The following MCTS1 variants were observed in gnomAD, a reference collection of about 807,000 sequenced individuals.
MCTS1 encodes MCTS1 re-initiation and release factor, also known as malignant T-cell-amplified sequence 1.
For synonymous variants in MCTS1, 26 were observed against 40.8 expected (o/e 0.64, Z 1.38); for missense variants, 55 against 128.6 (o/e 0.43, Z 2.77).
Position 120,616,213 on chromosome X carries a change from A to T in MCTS1, c.*3949A>T, listed in dbSNP as rs986065356. Reference sequence around the variant, plus strand: ...TTATCAAGGCTCTTCAAGAAACTCAAAATGATTCTAATTTCTAAGTAGTAT... The same window carrying T: ...TTATCAAGGCTCTTCAAGAAACTCATAATGATTCTAATTTCTAAGTAGTAT... On this transcript the variant is annotated 3_prime_UTR_variant, in exon 6 of 6. Coordinates refer to ENST00000371317, the MANE Select transcript of MCTS1 (RefSeq NM_014060.3). Among the ~76,000 whole-genome samples, 1 of 111,959 alleles carries T rather than the reference A, an allele frequency of 8.9e-6. No homozygotes were observed. Among genetic ancestry groups the T allele is most frequent in the Non-Finnish European group, 1.9e-5 (1 of 52,960 alleles).
rs1487486657 is a variant in MCTS1 at position 120,614,674 on chromosome X, G to A, written c.*2410G>A. ...AATTCAGATGTCTCCCTATTTGGGGGAGGAGGCACCCTATTTGAGGCCTGT... is the reference window on the plus strand; with the variant it reads ...AATTCAGATGTCTCCCTATTTGGGGAAGGAGGCACCCTATTTGAGGCCTGT... On this transcript the variant is annotated 3_prime_UTR_variant, in exon 6 of 6. Transcript: ENST00000371317. Among the ~76,000 whole-genome samples the A allele has an allele frequency of 8.9e-6, 1 of 111,785 alleles. No homozygotes were observed. Among genetic ancestry groups the A allele is most frequent in the Non-Finnish European group, 1.9e-5 (1 of 53,186 alleles).
In MCTS1 at chrX:120,613,014, C is replaced by T. The variant is rs1266437843; in HGVS notation, c.*750C>T. 3.7e-5 allele frequency among the ~76,000 whole-genome samples: 4 copies of T among 107,954 alleles called. No homozygotes were observed. The East Asian group carries it at 1.2e-3, about 31-fold the overall frequency. 93.7% of individuals were successfully genotyped at this position (107,954 alleles called of 115,157 possible). On this transcript the variant is annotated 3_prime_UTR_variant, in exon 6 of 6. Coordinates refer to ENST00000371317, the MANE Select transcript of MCTS1 (RefSeq NM_014060.3). ...CGATCTTGGCTCACTGTAACCTCCACCTCCCGGGTTCAAGCGATTCTTGTG... is the reference window on the plus strand; with the variant it reads ...CGATCTTGGCTCACTGTAACCTCCATCTCCCGGGTTCAAGCGATTCTTGTG...
intron 1 of MCTS1, chrX:120,604,870 G>A: frequency 8.6e-7 from 1 of 1,156,121 alleles, no homozygotes. Flanking sequence ...AAAGGAAGGT[G>A]GGTTTTGTGC....
intron 3 of MCTS1, among the ~76,000 whole-genome samples, chrX:120,606,405 T>C (rs1926531576): frequency 8.9e-6 from 1 of 112,615 alleles, no homozygotes; most frequent in Non-Finnish European, 1.9e-5. Flanking sequence ...CTAAAATGAA[T>C]GCCCATCTTG....
At chrX:120,604,770 G>A in intron 1 of MCTS1, 1 of 1,121,578 alleles carries the variant, frequency 8.9e-7, no homozygotes, top group Middle Eastern at 2.4e-4. Context: ...AGGCTATTCA[G>A]TGTAAGGAAG....
At chrX:120,609,721 A>G (rs1926634066) in intron 4 of MCTS1, among the ~76,000 whole-genome samples, 1 of 111,560 alleles carries the variant, frequency 9.0e-6, no homozygotes, top group Non-Finnish European at 1.9e-5. Flanking sequence ...GTGTTGGTAA[A>G]TTTATAGTTC....
intron 4 of MCTS1, among the ~76,000 whole-genome samples, chrX:120,608,672 G>A (rs914307707): frequency 8.9e-6 from 1 of 111,838 alleles, no homozygotes; most frequent in Non-Finnish European, 1.9e-5. Context: ...TGATTACTAG[G>A]GGAAAGGATA....
chrX:120,608,442 C>T (rs1405759749), intron 4 of MCTS1, 84 bp downstream of exon 4: 2 of 977,916 alleles, frequency 2.0e-6, no homozygotes, highest in Admixed American at 6.5e-5. Context: ...TCCAAGAGAA[C>T]ATTAGATGTA....
At chrX:120,610,651 T>A (rs1436631059) in intron 4 of MCTS1, among the ~76,000 whole-genome samples, 1 of 112,818 alleles carries the variant, frequency 8.9e-6, no homozygotes, top group Non-Finnish European at 1.9e-5. Flanking sequence ...GTGATCAGAA[T>A]AATTAATCAG....
rs1013965184 is a variant in MCTS1 at position 120,605,584 on chromosome X, A to G, written c.164+25A>G. ...GGTAAGTCTTTGTTTTTGTCTGTGT[A>G]AAGCTCGGTATAGCTGAATATTTAA... On this transcript the variant is annotated intron_variant, in intron 2 of 5. Transcript: ENST00000371317. The G allele has an allele frequency of 1.0e-5, 12 of 1,174,663 alleles. No homozygotes were observed. The African/African-American group carries it at 2.2e-4, about 21-fold the overall frequency.
chrX:120,612,050 T>C lies in MCTS1; in HGVS notation c.465-133T>C, dbSNP rs960559242. On this transcript the variant is annotated intron_variant, in intron 5 of 5. Transcript: ENST00000371317. ...TAGTTTAATATAAACAACAATGTAA[T>C]TGTGATGTCAATAAGTTCTTTACTT... The C allele has an allele frequency of 8.1e-6, 4 of 493,047 alleles. No homozygotes were observed. In the African/African-American group the frequency reaches 9.8e-5, roughly 12 times the overall value. The allele number at this position is 493,047 out of a possible 1,213,427, so 40.6% of individuals were successfully genotyped here.
rs930397584 is a variant in MCTS1, at chrX:120,619,152, T to C, written c.*6888T>C. On this transcript the variant is annotated 3_prime_UTR_variant, in exon 6 of 6. Transcript: ENST00000371317. ...TTTAAAAAGCTGTTTCAGGAAAAGC[T>C]GTTTTATTGCATGGCACAGATTAAA... Among the ~76,000 whole-genome samples the C allele has an allele frequency of 8.9e-6, 1 of 112,306 alleles. No individual in the cohort carries two copies. The highest frequency in any genetic ancestry group is 3.2e-5 in the African/African-American group (1 of 30,953).
rs1320002114 is a variant in MCTS1, at chrX:120,616,339, T to C, written c.*4075T>C. The stretch of plus-strand genomic sequence containing the variant: ...ATTGTAGAGATGCATGTAAATTAAA[T>C]GTATTATACATTTTTATACTTGTAT... On this transcript the variant is annotated 3_prime_UTR_variant, in exon 6 of 6. Coordinates refer to ENST00000371317, the MANE Select transcript of MCTS1 (RefSeq NM_014060.3). Among the ~76,000 whole-genome samples, 1 of 112,460 alleles carries C rather than the reference T, an allele frequency of 8.9e-6. No homozygotes were observed. Among genetic ancestry groups the C allele is most frequent in the East Asian group, 2.8e-4 (1 of 3,632 alleles).
chrX:120,617,015 A>C lies in MCTS1; in HGVS notation c.*4751A>C, dbSNP rs1269258244. On this transcript the variant is annotated 3_prime_UTR_variant, in exon 6 of 6. Transcript: ENST00000371317. ...GAAAAGGTGTGCAACTAACAGAAGC[A>C]GTTAACCAAAAAATGAGCTTCAGGC... is the stretch of plus-strand genomic sequence containing the variant. Among the ~76,000 whole-genome samples the C allele has an allele frequency of 8.9e-6, 1 of 112,591 alleles. No homozygotes were observed. Among genetic ancestry groups the C allele is most frequent in the African/African-American group, 3.2e-5 (1 of 31,014 alleles).
rs1452195801 is a variant in MCTS1 at position 120,621,078 on chromosome X, CTATT to C, written c.*8815_*8818del. 1 of 111,963 alleles carries C rather than the reference CTATT, an allele frequency of 8.9e-6. No individual in the cohort carries two copies. The highest frequency in any genetic ancestry group is 3.2e-5 in the African/African-American group (1 of 30,816). The allele number at this position is 111,963 out of a possible 1,213,427, so 9.2% of individuals were successfully genotyped here. ...AGACTTAATAAATAATGTAAATTAT[CTATT>C]CTTTCCTGTTGATTATATATTGAAA... On this transcript the variant is annotated 3_prime_UTR_variant, in exon 6 of 6. Coordinates refer to ENST00000371317, the MANE Select transcript of MCTS1 (RefSeq NM_014060.3).
chrX:120,605,412 A>G lies in MCTS1; in HGVS notation c.17A>G (p.Asp6Gly), dbSNP rs758913648. 2.6e-6 allele frequency: 3 copies of G among 1,163,830 alleles called. No homozygotes were observed. Among genetic ancestry groups the G allele is most frequent in the Non-Finnish European group, 3.4e-6 (3 of 879,070 alleles). The change falls in exon 2 of 6, where the codon GAT becomes GGT. Residue 6 changes from aspartate to glycine, a missense_variant. Transcript: ENST00000371317. MFKKF[D>G]EKENVSNCIQ... ...TTGCAAAAATTACTTGGCAGATTTG[A>G]TGAAAAAGAAAATGTGTCCAACTGC...
Position 120,605,552 on chromosome X carries a change from G to A in MCTS1, c.157G>A (p.Val53Ile), listed in dbSNP as rs1441730371. The change falls in exon 2 of 6, where the codon GTC (valine) becomes ATC (isoleucine). Residue 53 changes from valine to isoleucine, a missense_variant. Physicochemically the swap from Val to Ile is conservative, Grantham distance 29 (BLOSUM62 3). Coordinates refer to ENST00000371317, the MANE Select transcript of MCTS1 (RefSeq NM_014060.3). ...IMPKKDPVKI[V>I]RCHEHIEILT... is the part of the protein sequence containing the mutation. ...GCCTAAGAAAGATCCTGTCAAAATA[G>A]TCCGATGGTAAGTCTTTGTTTTTGT... 8.3e-7 allele frequency: 1 copy of A among 1,199,294 alleles called. No homozygotes were observed. The highest frequency in any genetic ancestry group is 1.9e-5 in the South Asian group (1 of 54,018).
Position 120,614,934 on chromosome X carries a change from C to CT in MCTS1, c.*2675dup, listed in dbSNP as rs1926804741. Among the ~76,000 whole-genome samples the CT allele has an allele frequency of 8.9e-6, 1 of 111,990 alleles. No homozygotes were observed. Among genetic ancestry groups the CT allele is most frequent in the Non-Finnish European group, 1.9e-5 (1 of 53,195 alleles). On this transcript the variant is annotated 3_prime_UTR_variant, in exon 6 of 6. Coordinates refer to ENST00000371317, the MANE Select transcript of MCTS1 (RefSeq NM_014060.3). Reference sequence around the variant, plus strand: ...ACTGTTACAGTGGGTGTAAGGAACACTTTTTAAATATTCAACATCAACATC... The same window carrying CT: ...ACTGTTACAGTGGGTGTAAGGAACACTTTTTTAAATATTCAACATCAACATC...
intron 1 of MCTS1, 89 bp from the exon 2 acceptor site, chrX:120,605,318 A>C: frequency 1.2e-6 from 1 of 827,190 alleles, no homozygotes; most frequent in Non-Finnish European, 1.7e-6. Flanking sequence ...TTGGTTGGGA[A>C]TAAATGACTA....
Sources: allele counts gnomAD v4.1 joint callset (sites outside exome capture counted in the v4.1 genomes callset), GRCh38; gene constraint gnomAD v4.1.1; transcripts MANE v1.5; gene names NCBI Gene and HGNC (gene_info 2026-07-23, HGNC 2026-07-21).